KLF15: variants seen among roughly 807,000 people sequenced by gnomAD.
KLF15 encodes the protein Krueppel-like factor 15.
KLF15 carries 4 observed loss-of-function variants against 24.6 expected under a neutral mutation model. That is an observed-to-expected ratio of 0.16 (90% CI 0.08 to 0.37). KLF15 has a LOEUF of 0.37. Ranked by LOEUF, KLF15 falls within the 10% of genes least tolerant of loss-of-function variation. KLF15 has a pLI of 1.00. For synonymous variants in KLF15, 246 were observed against 236.3 expected (o/e 1.04, Z -0.37); for missense variants, 496 against 560.6 (o/e 0.88, Z 1.16).
At chr3:126,351,755 G>T in intron 2 of KLF15, 86 bp downstream of exon 2, 8 of 708,618 alleles carry the variant, frequency 1.1e-5, no homozygotes, top group East Asian at 1.0e-4. Flanking sequence ...TTCTGTTAAT[G>T]GTGGAAAATG....
the KLF15 span, among the ~76,000 whole-genome samples, chr3:126,310,436 G>A: frequency 6.6e-6 from 1 of 152,174 alleles, no homozygotes; most frequent in Non-Finnish European, 1.5e-5. Context: ...GCACAATGTG[G>A]CGACATCACA....
At chr3:126,327,143 A>C in the KLF15 span, among the ~76,000 whole-genome samples, 1 of 152,150 alleles carries the variant, frequency 6.6e-6, no homozygotes, top group Non-Finnish European at 1.5e-5. Flanking sequence ...CTGTGGTCAC[A>C]TCTCATGGTC....
At chr3:126,293,144 T>TTA in the KLF15 span, among the ~76,000 whole-genome samples, 3 of 118,580 alleles carry the variant, frequency 2.5e-5, no homozygotes, top group Admixed American at 1.7e-4. Flanking sequence ...ACTGCATCTC[T>TTA]AAAAAAAAAA....
chr3:126,300,010 C>A, the KLF15 span, among the ~76,000 whole-genome samples: 3 of 152,092 alleles, frequency 2.0e-5, no homozygotes, highest in Non-Finnish European at 4.4e-5. Flanking sequence ...CGTGCCCCCA[C>A]GTGTGGTGAC....
the KLF15 span, chr3:126,291,331 C>G: frequency 6.6e-6 from 1 of 152,216 alleles, no homozygotes; most frequent in African/African-American, 2.4e-5. Context: ...AGACTGACAC[C>G]GCACAAAAGA....
At chr3:126,304,812 G>C in the KLF15 span, among the ~76,000 whole-genome samples, 1 of 152,238 alleles carries the variant, frequency 6.6e-6, no homozygotes, top group African/African-American at 2.4e-5. Flanking sequence ...CACCGAGTAT[G>C]AGCTAGGAAA....
the KLF15 span, among the ~76,000 whole-genome samples, chr3:126,321,845 G>A: frequency 0.37 from 55,771 of 152,056 alleles, 11,415 homozygotes; most frequent in Non-Finnish European, 0.47. Flanking sequence ...TGCTGCAGGC[G>A]GTCCTTGCAC....
the KLF15 span, among the ~76,000 whole-genome samples, chr3:126,314,294 C>A: frequency 6.6e-6 from 1 of 152,172 alleles, no homozygotes; most frequent in Non-Finnish European, 1.5e-5. Context: ...CACAGCACAT[C>A]ACCAAGGACC....
intron 2 of KLF15, among the ~76,000 whole-genome samples, chr3:126,344,287 T>C (rs2082513326): frequency 6.6e-6 from 1 of 151,982 alleles, no homozygotes; most frequent in African/African-American, 2.4e-5. Context: ...GTCAAACTCC[T>C]GGGCTCAAGC....
the KLF15 span, among the ~76,000 whole-genome samples, chr3:126,305,836 G>A: frequency 3.3e-5 from 5 of 152,252 alleles, no homozygotes; most frequent in South Asian, 1.0e-3. Flanking sequence ...GTCTGGAAGG[G>A]AAAGAAGAAG....
chr3:126,355,447 C>G (rs541451800), intron 1 of KLF15, among the ~76,000 whole-genome samples: 144 of 152,308 alleles, frequency 9.5e-4, no homozygotes, highest in Non-Finnish European at 2.0e-3. Flanking sequence ...AGCCCGGGGC[C>G]ACTGCCCTGG....
the KLF15 span, among the ~76,000 whole-genome samples, chr3:126,294,529 C>T: frequency 2.6e-5 from 4 of 152,010 alleles, no homozygotes; most frequent in Non-Finnish European, 4.4e-5. Context: ...AAGCCATACA[C>T]CAGTTGATAG....
At chr3:126,293,567 A>T in the KLF15 span, among the ~76,000 whole-genome samples, 1 of 152,126 alleles carries the variant, frequency 6.6e-6, no homozygotes, top group African/African-American at 2.4e-5. Flanking sequence ...GTCTGGTTTG[A>T]GATGTGTCAA....
the KLF15 span, among the ~76,000 whole-genome samples, chr3:126,323,881 C>T: frequency 1.3e-5 from 2 of 151,842 alleles, no homozygotes; most frequent in Non-Finnish European, 2.9e-5. Context: ...TCTCCATGTT[C>T]CTGCAAAGGA....
At chr3:126,312,894 G>A in the KLF15 span, among the ~76,000 whole-genome samples, 3 of 152,168 alleles carry the variant, frequency 2.0e-5, no homozygotes, top group East Asian at 1.9e-4. Flanking sequence ...CTGACCTCCC[G>A]CTCATGTTCA....
At chr3:126,330,664 G>C in the KLF15 span, among the ~76,000 whole-genome samples, 1 of 152,022 alleles carries the variant, frequency 6.6e-6, no homozygotes. Flanking sequence ...CCTTTGCCTT[G>C]AGAGACTTAA....
At chr3:126,298,452 G>A in the KLF15 span, among the ~76,000 whole-genome samples, 1 of 140,172 alleles carries the variant, frequency 7.1e-6, no homozygotes, top group South Asian at 2.2e-4. Flanking sequence ...ATTAGCAGCT[G>A]TGCAGAAGCT....
chr3:126,327,198 GCCCTTGA>G, the KLF15 span, among the ~76,000 whole-genome samples: 1 of 152,118 alleles, frequency 6.6e-6, no homozygotes, highest in African/African-American at 2.4e-5. Flanking sequence ...TGTCTTTTGT[GCCCTTGA>G]CACTTCTGGG....
intron 2 of KLF15, among the ~76,000 whole-genome samples, chr3:126,344,849 G>A (rs1261770049): frequency 1.3e-5 from 2 of 152,182 alleles, no homozygotes; most frequent in Non-Finnish European, 2.9e-5. Context: ...TCGCTTTCTT[G>A]GCCCTGCTGG....
Sources: gnomAD v4.1 joint callset for allele counts (sites outside exome capture counted in the v4.1 genomes callset) on GRCh38, gnomAD v4.1.1 for gene constraint, MANE v1.5 for transcripts, NCBI Gene and HGNC (gene_info 2026-07-23, HGNC 2026-07-21) for gene names.